Variants in PELI1 observed in about 807,000 individuals in gnomAD.
PELI1 encodes E3 ubiquitin-protein ligase pellino homolog 1.
PELI1 carries 15 observed loss-of-function variants against 41.3 expected under a neutral mutation model. That is an observed-to-expected ratio of 0.36 (90% CI 0.24 to 0.56). The LOEUF is 0.56. Among genes scored for constraint, PELI1 ranks in the 20% least tolerant of loss-of-function variants. The pLI is 0.82. For synonymous variants in PELI1, 178 were observed against 180.1 expected (o/e 0.99, Z 0.09); for missense variants, 403 against 525.5 (o/e 0.77, Z 2.28).
intron 1 of PELI1, among the ~76,000 whole-genome samples, chr2:64,125,142 A>G (rs1229038121): frequency 2.0e-5 from 3 of 152,108 alleles, no homozygotes; most frequent in Admixed American, 2.0e-4. Flanking sequence ...CTGTCCAGGA[A>G]TGCCACCCTC....
chr2:64,108,558 C>A (rs1680698131), intron 1 of PELI1, among the ~76,000 whole-genome samples, 179 bp from the exon 2 acceptor site: 1 of 152,224 alleles, frequency 6.6e-6, no homozygotes, highest in African/African-American at 2.4e-5. Flanking sequence ...TTAAAGGAAT[C>A]AAAAATGCAA....
intron 6 of PELI1, 38 bp from the exon 7 acceptor site, chr2:64,095,306 C>T (rs777110578): frequency 1.4e-6 from 2 of 1,453,086 alleles, no homozygotes; most frequent in Non-Finnish European, 1.9e-6. Flanking sequence ...ATTCACCACT[C>T]TGTTTTGGAT....
At chr2:64,102,536 G>A (rs985601868) in intron 3 of PELI1, among the ~76,000 whole-genome samples, 2 of 152,006 alleles carry the variant, frequency 1.3e-5, no homozygotes, top group Admixed American at 6.5e-5. Context: ...ACTGTGCCCC[G>A]TTAAACAGCT....
At chr2:64,137,874 ATT>A (rs1553359733) in intron 1 of PELI1, among the ~76,000 whole-genome samples, 1 of 151,784 alleles carries the variant, frequency 6.6e-6, no homozygotes, top group Non-Finnish European at 1.5e-5. Context: ...GACAAAAAAA[ATT>A]TTTTTTTCTA....
At chr2:64,128,242 T>G (rs940945228) in intron 1 of PELI1, among the ~76,000 whole-genome samples, 5 of 152,182 alleles carry the variant, frequency 3.3e-5, no homozygotes, top group African/African-American at 7.2e-5. Context: ...GTGCCTATTA[T>G]GGTTCAGATT....
intron 1 of PELI1, among the ~76,000 whole-genome samples, chr2:64,125,964 C>T (rs1469037265): frequency 6.6e-6 from 1 of 152,172 alleles, no homozygotes; most frequent in East Asian, 1.9e-4. Flanking sequence ...GGGTCCCATC[C>T]CGAAGATATC....
chr2:64,095,394 GA>G, intron 6 of PELI1, 126 bp from the exon 7 acceptor site: 2 of 615,814 alleles, frequency 3.2e-6, no homozygotes. Context: ...AAATATTCAA[GA>G]AACTGACAGT....
chr2:64,104,942 A>G, intron 2 of PELI1, 112 bp from the exon 3 acceptor site: 1 of 796,068 alleles, frequency 1.3e-6, no homozygotes, highest in South Asian at 2.5e-5. Flanking sequence ...CTATTAACAC[A>G]TTATAATTAT....
intron 3 of PELI1, among the ~76,000 whole-genome samples, chr2:64,103,300 T>C (rs573932583): frequency 2.0e-5 from 3 of 152,150 alleles, no homozygotes; most frequent in South Asian, 2.1e-4. Context: ...TTTTCCCTGA[T>C]AGTGGTTTTC....
intron 1 of PELI1, chr2:64,143,089 T>C (rs1681966042): frequency 6.6e-6 from 1 of 152,240 alleles, no homozygotes; most frequent in Non-Finnish European, 1.5e-5. Context: ...TTGTGTGTAG[T>C]GATTAAAATC....
intron 2 of PELI1, among the ~76,000 whole-genome samples, chr2:64,106,508 G>A (rs1183443018): frequency 1.3e-5 from 2 of 152,146 alleles, no homozygotes; most frequent in Non-Finnish European, 2.9e-5. Flanking sequence ...GTAGTTAAGA[G>A]CTGTTTGTCA....
chr2:64,143,629 T>C (rs1681992471), intron 1 of PELI1: 1 of 152,078 alleles, frequency 6.6e-6, no homozygotes, highest in Non-Finnish European at 1.5e-5. Flanking sequence ...ACAACAATCA[T>C]AACAATAAAA....
chr2:64,119,182 T>G (rs1196534890), intron 1 of PELI1, among the ~76,000 whole-genome samples: 1 of 152,164 alleles, frequency 6.6e-6, no homozygotes, highest in Non-Finnish European at 1.5e-5. Context: ...TGAGATTTAT[T>G]TAACTTCTTC....
At chr2:64,128,322 T>C (rs1681454237) in intron 1 of PELI1, among the ~76,000 whole-genome samples, 1 of 152,154 alleles carries the variant, frequency 6.6e-6, no homozygotes, top group South Asian at 2.1e-4. Flanking sequence ...ATAACACTTT[T>C]ACCCTCTAGA....
intron 1 of PELI1, among the ~76,000 whole-genome samples, chr2:64,118,935 G>A (rs141471954): frequency 2.2e-3 from 329 of 151,274 alleles, no homozygotes; most frequent in African/African-American, 7.3e-3. Context: ...AATTTGTAAC[G>A]GAAAAGTAAG....
rs540851474 is a variant in PELI1, at chr2:64,102,329, T to C, written c.202-1830A>G. ...GTTTTACAAGTTTTAAACATATATA[T>C]ACATATATATATACACACGCACACA... On this transcript the variant is annotated intron_variant, in intron 3 of 6. Transcript: ENST00000358912. 6.6e-5 allele frequency among the ~76,000 whole-genome samples: 10 copies of C among 152,162 alleles called. No homozygotes were observed. The East Asian group carries it at 1.7e-3, about 26-fold the overall frequency.
At chr2:64,112,350 G>A (rs930622605) in intron 1 of PELI1, among the ~76,000 whole-genome samples, 3 of 152,122 alleles carry the variant, frequency 2.0e-5, no homozygotes, top group Non-Finnish European at 4.4e-5. Context: ...AAATATAAGC[G>A]ACCATTTGGT....
intron 1 of PELI1, among the ~76,000 whole-genome samples, chr2:64,140,810 A>AAAAAAAAAAAAAAAAAAAAC (rs1558490182): frequency 2.0e-5 from 3 of 147,118 alleles, no homozygotes; most frequent in African/African-American, 7.6e-5. Context: ...CAAACAAACA[A>AAAAAAAAAAAAAAAAAAAAC]AAAAAAACCT....
intron 3 of PELI1, among the ~76,000 whole-genome samples, chr2:64,102,498 A>C (rs13032032): frequency 6.6e-6 from 1 of 152,196 alleles, no homozygotes; most frequent in African/African-American, 2.4e-5. Context: ...TCTGCCTCCC[A>C]AGGAGCTGGG....
Sources: allele counts gnomAD v4.1 joint callset (sites outside exome capture counted in the v4.1 genomes callset), GRCh38; gene constraint gnomAD v4.1.1; transcripts MANE v1.5; gene names NCBI Gene and HGNC (gene_info 2026-07-23, HGNC 2026-07-21).